PARD3B: variants seen among roughly 807,000 people sequenced by gnomAD.
PARD3B encodes the protein par-3 family cell polarity regulator beta, also known as partitioning defective 3 homolog B.
In PARD3B, 103 loss-of-function variants were observed where a neutral mutation model predicts 130.2. The observed-to-expected ratio is 0.79, with a 90% CI of 0.67 to 0.93. The LOEUF is 0.93. Among genes scored for constraint, PARD3B ranks in the 40% least tolerant of loss-of-function variants. The pLI is 0.00. For missense variants in PARD3B, 1,609 were observed against 1,499.2 expected (o/e 1.07, Z -1.21); for synonymous variants, 583 against 553.2 (o/e 1.05, Z -0.76).
chr2:205,014,890 T>C (rs552784175), intron 3 of PARD3B, among the ~76,000 whole-genome samples: 1 of 152,350 alleles, frequency 6.6e-6, no homozygotes, highest in Admixed American at 6.5e-5. Flanking sequence ...GTAACTGTCA[T>C]AGGCCTGTAC....
chr2:204,654,687 G>A (rs1019342455), intron 1 of PARD3B, among the ~76,000 whole-genome samples: 1 of 152,124 alleles, frequency 6.6e-6, no homozygotes, highest in Admixed American at 6.5e-5. Flanking sequence ...GACTTCTTGA[G>A]GGAAGTGTTT....
At chr2:204,881,048 G>A (rs945597648) in intron 2 of PARD3B, among the ~76,000 whole-genome samples, 3 of 152,120 alleles carry the variant, frequency 2.0e-5, no homozygotes, top group African/African-American at 7.2e-5. Flanking sequence ...CTCCCATCTT[G>A]ACAAAATCAT....
chr2:205,422,965 A>G (rs2047021665), intron 19 of PARD3B, among the ~76,000 whole-genome samples: 1 of 152,204 alleles, frequency 6.6e-6, no homozygotes, highest in Non-Finnish European at 1.5e-5. Flanking sequence ...ATGTGCAAGT[A>G]GCATATGGTC....
chr2:205,388,494 C>A (rs1175587791), intron 18 of PARD3B, among the ~76,000 whole-genome samples: 1 of 152,160 alleles, frequency 6.6e-6, no homozygotes, highest in Non-Finnish European at 1.5e-5. Flanking sequence ...AGCTACCATG[C>A]ATTTCCAGGT....
At chr2:205,362,105 A>C (rs1330558267) in intron 18 of PARD3B, among the ~76,000 whole-genome samples, 1 of 152,194 alleles carries the variant, frequency 6.6e-6, no homozygotes, top group African/African-American at 2.4e-5. Context: ...TGCAGCATCA[A>C]AATTCATTCC....
chr2:205,400,618 G>A (rs2046216166), intron 18 of PARD3B, among the ~76,000 whole-genome samples: 1 of 151,860 alleles, frequency 6.6e-6, no homozygotes. Context: ...CCTCAGTCTG[G>A]GTGACAGAGT....
chr2:205,137,032 A>G (rs921770392), intron 10 of PARD3B, among the ~76,000 whole-genome samples: 2 of 152,218 alleles, frequency 1.3e-5, no homozygotes, highest in Admixed American at 1.3e-4. Context: ...GAGTTCATAG[A>G]TAATGCTAAG....
At chr2:205,370,660 G>T (rs749186750) in intron 18 of PARD3B, among the ~76,000 whole-genome samples, 1 of 152,178 alleles carries the variant, frequency 6.6e-6, no homozygotes, top group Admixed American at 6.5e-5. Context: ...AATTGCTCTT[G>T]GATGCAGTAG....
chr2:205,320,489 T>C (rs556855432), intron 18 of PARD3B, among the ~76,000 whole-genome samples: 18 of 152,304 alleles, frequency 1.2e-4, no homozygotes, highest in African/African-American at 4.3e-4. Flanking sequence ...TATCAGCACA[T>C]AGGGAAATAG....
intron 18 of PARD3B, among the ~76,000 whole-genome samples, chr2:205,362,657 C>G (rs1265598003): frequency 6.6e-6 from 1 of 152,188 alleles, no homozygotes; most frequent in Non-Finnish European, 1.5e-5. Context: ...ACTTGCTTTC[C>G]ACTTGTCAAA....
Position 205,108,563 on chromosome 2 carries a change from C to T in PARD3B, c.593+4049C>T, listed in dbSNP as rs569253714. Among the ~76,000 whole-genome samples the T allele has an allele frequency of 3.9e-5, 6 of 152,204 alleles. No individual in the cohort carries two copies. In the South Asian group the frequency reaches 6.2e-4, roughly 16 times the overall value. ...AATTGTTATGCTCACAGACTATCCT[C>T]GTTCAATATCTCCATACAGTTGACT... On this transcript the variant is annotated intron_variant, in intron 5 of 22. Transcript: ENST00000406610.
chr2:205,243,596 G>C (rs1252215635), intron 15 of PARD3B, among the ~76,000 whole-genome samples: 1 of 152,134 alleles, frequency 6.6e-6, no homozygotes, highest in Non-Finnish European at 1.5e-5. Context: ...ACCACAGAAA[G>C]ATAACTATTA....
At chr2:204,614,697 C>G (rs2125120401) in intron 1 of PARD3B, among the ~76,000 whole-genome samples, 1 of 152,128 alleles carries the variant, frequency 6.6e-6, no homozygotes, top group Middle Eastern at 3.4e-3. Flanking sequence ...TAGTACCATC[C>G]TCTTGGTGCT....
At position 205,572,562 on chromosome 2, in the gene PARD3B, T is replaced by A. The variant is rs1482721823; in HGVS notation, c.3260+19159T>A. On this transcript the variant is annotated intron_variant, in intron 22 of 22. Transcript: ENST00000406610. This position sits in a 1 kb window ranked among gnomAD's most constrained non-coding sequence, Gnocchi z 4.2. Reference sequence around the variant, plus strand: ...GAGTTTGAGACCACCCCAAACAACATGGTGAAACCTCATCTCTACTAAAAT... The same window carrying A: ...GAGTTTGAGACCACCCCAAACAACAAGGTGAAACCTCATCTCTACTAAAAT... 6.6e-6 allele frequency among the ~76,000 whole-genome samples: 1 copy of A among 152,134 alleles called. No homozygotes were observed.
intron 2 of PARD3B, among the ~76,000 whole-genome samples, chr2:204,690,104 C>T (rs1422311108): frequency 1.3e-5 from 2 of 152,146 alleles, no homozygotes; most frequent in African/African-American, 2.4e-5. Flanking sequence ...CTTGTCAGCT[C>T]TACCTCTGTT....
chr2:205,088,639 A>G (rs1219527486), intron 4 of PARD3B, among the ~76,000 whole-genome samples: 1 of 152,182 alleles, frequency 6.6e-6, no homozygotes, highest in African/African-American at 2.4e-5. Flanking sequence ...TTCATGTCAC[A>G]TTAATGAAGA....
intron 18 of PARD3B, among the ~76,000 whole-genome samples, chr2:205,363,234 A>T (rs1192647953): frequency 1.3e-5 from 2 of 152,196 alleles, no homozygotes; most frequent in African/African-American, 4.8e-5. Flanking sequence ...AACAGAAGTC[A>T]GAGTATCACA....
intron 15 of PARD3B, among the ~76,000 whole-genome samples, chr2:205,209,183 C>G (rs1325045180): frequency 6.9e-6 from 1 of 144,166 alleles, no homozygotes; most frequent in Non-Finnish European, 1.5e-5. Context: ...AAAGCGGAAA[C>G]TGGATCCCTT....
At chr2:205,283,577 T>C (rs1044274595) in intron 16 of PARD3B, among the ~76,000 whole-genome samples, 1 of 152,216 alleles carries the variant, frequency 6.6e-6, no homozygotes, top group Non-Finnish European at 1.5e-5. Context: ...AGTCTTTTCT[T>C]TTTCTGTGAC....
Sources: allele counts gnomAD v4.1 joint callset (sites outside exome capture counted in the v4.1 genomes callset), GRCh38; gene constraint gnomAD v4.1.1; non-coding constraint Gnocchi (gnomAD v3.1); transcripts MANE v1.5; gene names NCBI Gene and HGNC (gene_info 2026-07-23, HGNC 2026-07-21).